KCNJ15: variants seen among roughly 807,000 people sequenced by gnomAD.
The protein encoded by KCNJ15 is ATP-sensitive inward rectifier potassium channel 15.
A neutral mutation model predicts 23.0 loss-of-function variants in KCNJ15; 14 were observed. The ratio of observed to expected loss-of-function variants is 0.61; its 90% confidence interval spans 0.40 to 0.95. The LOEUF (loss-of-function observed/expected upper bound fraction) is 0.95. Among genes scored for constraint, KCNJ15 ranks in the 40% least tolerant of loss-of-function variants. The probability of loss-of-function intolerance (pLI) is 0.00; values close to 1 mark genes in which losing one functional copy is unlikely to be tolerated. For synonymous variants in KCNJ15, 185 were observed against 183.2 expected, an observed-to-expected ratio of 1.01 and a Z score of -0.08; for missense variants, 388 against 461.8, an observed-to-expected ratio of 0.84 and a Z score of 1.46.
chr21:38,279,151 A>AAAG (rs1983058957), intron 1 of KCNJ15, among the ~76,000 whole-genome samples: 1 of 151,560 alleles, frequency 6.6e-6, no homozygotes, highest in African/African-American at 2.4e-5. Flanking sequence ...GGTGCTGAGT[A>AAAG]TTTTTCAGTG....
intron 1 of KCNJ15, among the ~76,000 whole-genome samples, chr21:38,241,690 G>A (rs1979002957): frequency 1.3e-5 from 2 of 152,072 alleles, no homozygotes; most frequent in East Asian, 3.8e-4. Context: ...CTCACGGCTG[G>A]GCATGGAGGC....
At position 38,302,248 on chromosome 21, in the gene KCNJ15, T is replaced by C. The variant is rs1391798563; in HGVS notation, c.*1859T>C. 6.6e-6 allele frequency: 1 copy of C among 152,230 alleles called. No homozygotes were observed. The highest frequency in any genetic ancestry group is 6.5e-5 in the Admixed American group (1 of 15,288). 9.4% of individuals were successfully genotyped at this position (152,230 alleles called of 1,614,324 possible). A position where few individuals can be genotyped will look rare whatever the true frequency, so the allele number is the denominator to read the frequency against. On this transcript the variant is annotated 3_prime_UTR_variant, in exon 3 of 3. Transcript: ENST00000398938. ...GAGAAAATGGGGAAAATAAAGTGGATTCAGGTTATCAGTGAAATGATGGTA... is the reference window on the plus strand; with the variant it reads ...GAGAAAATGGGGAAAATAAAGTGGACTCAGGTTATCAGTGAAATGATGGTA...
chr21:38,230,909 G>C (rs2123530849), intron 1 of KCNJ15, among the ~76,000 whole-genome samples: 1 of 151,978 alleles, frequency 6.6e-6, no homozygotes, highest in African/African-American at 2.4e-5. Flanking sequence ...TAGTTCCTTT[G>C]AATTCCCATA....
chr21:38,251,895 C>T (rs1979866141), upstream of KCNJ15, among the ~76,000 whole-genome samples: 1 of 152,226 alleles, frequency 6.6e-6, no homozygotes, highest in East Asian at 1.9e-4. Context: ...ATTTTTGAAC[C>T]ATCTCATTTA....
chr21:38,240,534 T>G (rs1386754742), intron 1 of KCNJ15, among the ~76,000 whole-genome samples: 3 of 152,236 alleles, frequency 2.0e-5, no homozygotes, highest in Non-Finnish European at 4.4e-5. Context: ...TGGAAAGTTG[T>G]TCTCAAAATG....
At chr21:38,233,368 T>A (rs1010824648) in intron 1 of KCNJ15, among the ~76,000 whole-genome samples, 6 of 152,132 alleles carry the variant, frequency 3.9e-5, no homozygotes, top group Admixed American at 6.5e-5. Flanking sequence ...CTTGTTTTTT[T>A]ATCCAATTTA....
intron 1 of KCNJ15, among the ~76,000 whole-genome samples, chr21:38,257,523 T>C (rs1363949692): frequency 6.6e-6 from 1 of 152,258 alleles, no homozygotes; most frequent in African/African-American, 2.4e-5. Context: ...AGAGCAAGTT[T>C]GTTGATTTTC....
At chr21:38,269,626 G>C (rs1370953542) in intron 1 of KCNJ15, among the ~76,000 whole-genome samples, 1 of 152,172 alleles carries the variant, frequency 6.6e-6, no homozygotes, top group African/African-American at 2.4e-5. Flanking sequence ...GGTGGGTCTA[G>C]GAAAAAGCAC....
intron 1 of KCNJ15, among the ~76,000 whole-genome samples, chr21:38,292,215 G>A (rs1322103549): frequency 6.6e-6 from 1 of 152,100 alleles, no homozygotes; most frequent in Non-Finnish European, 1.5e-5. Context: ...GCTTAGTTTC[G>A]TCACCTAGAA....
intron 1 of KCNJ15, among the ~76,000 whole-genome samples, chr21:38,241,623 T>C (rs1978998481): frequency 6.6e-6 from 1 of 152,210 alleles, no homozygotes; most frequent in Non-Finnish European, 1.5e-5. Flanking sequence ...CAATCTGGGA[T>C]TTCCACCCTT....
At chr21:38,286,861 C>T (rs1983966791) in intron 1 of KCNJ15, among the ~76,000 whole-genome samples, 1 of 152,036 alleles carries the variant, frequency 6.6e-6, no homozygotes, top group Admixed American at 6.5e-5. Flanking sequence ...GTGCAGCAAA[C>T]CACAGATGTA....
At chr21:38,235,322 G>A (rs1978528569) in intron 1 of KCNJ15, among the ~76,000 whole-genome samples, 1 of 152,074 alleles carries the variant, frequency 6.6e-6, no homozygotes, top group Non-Finnish European at 1.5e-5. Context: ...GGGAGGCCGA[G>A]GTTGGTGGAT....
At chr21:38,248,910 C>T (rs1004218338) in intron 1 of KCNJ15, among the ~76,000 whole-genome samples, 1 of 151,964 alleles carries the variant, frequency 6.6e-6, no homozygotes, top group Non-Finnish European at 1.5e-5. Context: ...CTTCTCCAAA[C>T]TGCATAAGGA....
chr21:38,293,744 A>G (rs1292924717), intron 1 of KCNJ15, among the ~76,000 whole-genome samples: 3 of 151,894 alleles, frequency 2.0e-5, no homozygotes, highest in South Asian at 2.1e-4. Context: ...GTGCTTTTGC[A>G]GAAGGAAAGT....
chr21:38,299,791 C>T lies in KCNJ15; in HGVS notation c.530C>T (p.Thr177Ile). The T allele has an allele frequency of 1.9e-6, 3 of 1,614,092 alleles. No individual in the cohort carries two copies. The highest frequency in any genetic ancestry group is 1.7e-6 in the Non-Finnish European group (2 of 1,180,014). Reference sequence around the variant, plus strand: ...GCCAGACCCAAAAAGCGGGCTGAGACCATCAAGTTCAGCCACTGTGCAGTC... The same window carrying T: ...GCCAGACCCAAAAAGCGGGCTGAGATCATCAAGTTCAGCCACTGTGCAGTC... Reference protein sequence around the residue: ...KIARPKKRAETIKFSHCAVIT... With the variant: ...KIARPKKRAEIIKFSHCAVIT... The change falls in exon 3 of 3, where the codon ACC becomes ATC. Residue 177 changes from threonine to isoleucine, a missense_variant. Coordinates refer to ENST00000398938, the MANE Select transcript of KCNJ15 (RefSeq NM_170736.3). The surrounding 1 kb of genome is among the most constrained non-coding windows in gnomAD (Gnocchi z 4.5).
At chr21:38,258,709 G>C (rs1706208474) in intron 1 of KCNJ15, among the ~76,000 whole-genome samples, 1 of 152,220 alleles carries the variant, frequency 6.6e-6, no homozygotes. Context: ...GGTTGCTTAA[G>C]GAAAACACAT....
chr21:38,269,559 G>A (rs1483587387), intron 1 of KCNJ15, among the ~76,000 whole-genome samples: 1 of 152,168 alleles, frequency 6.6e-6, no homozygotes, highest in Non-Finnish European at 1.5e-5. Flanking sequence ...AGGAGAAGAA[G>A]GGATAAAGAA....
At chr21:38,294,141 A>G (rs1424482458) in intron 1 of KCNJ15, among the ~76,000 whole-genome samples, 1 of 152,324 alleles carries the variant, frequency 6.6e-6, no homozygotes, top group South Asian at 2.1e-4. Context: ...TCTACTTAAT[A>G]TTTAAAACGG....
At chr21:38,250,616 C>T (rs549675213) in intron 1 of KCNJ15, among the ~76,000 whole-genome samples, 7 of 152,072 alleles carry the variant, frequency 4.6e-5, no homozygotes, top group East Asian at 3.8e-4. Context: ...AAGGACGTGC[C>T]GGAATACAGC....
Sources: gnomAD v4.1 joint callset for allele counts (sites outside exome capture counted in the v4.1 genomes callset) on GRCh38, gnomAD v4.1.1 for gene constraint, Gnocchi (gnomAD v3.1) non-coding constraint, MANE v1.5 for transcripts, NCBI Gene and HGNC (gene_info 2026-07-23, HGNC 2026-07-21) for gene names.